The following RPTOR variants were observed in gnomAD, a reference collection of about 807,000 sequenced individuals.
RPTOR encodes regulatory-associated protein of mTOR.
Under a neutral mutation model 169.9 loss-of-function variants are expected in RPTOR, and 21 were observed. That is an observed-to-expected ratio of 0.12 (90% CI 0.09 to 0.18). RPTOR has a LOEUF of 0.18. Among genes scored for constraint, RPTOR ranks in the 10% least tolerant of loss-of-function variants. The pLI is 1.00. For synonymous variants in RPTOR, 732 were observed against 753.2 expected (o/e 0.97, Z 0.46); for missense variants, 1,133 against 1,855.9 (o/e 0.61, Z 7.16).
At chr17:80,791,333 T>G (rs1413415924) in intron 6 of RPTOR, 117 bp from the exon 7 acceptor site, 6 of 753,254 alleles carry the variant, frequency 8.0e-6, no homozygotes, top group Non-Finnish European at 1.3e-5. Flanking sequence ...TGAGTGTACT[T>G]GTTCACCGTG....
At chr17:80,822,938 CGTGT>C in intron 8 of RPTOR, 137 bp from the exon 9 acceptor site, 1 of 827,356 alleles carries the variant, frequency 1.2e-6, no homozygotes, top group African/African-American at 1.7e-5. Context: ...TGTGTTTAAG[CGTGT>C]GTGTGTGTTG....
At chr17:80,704,623 T>C (rs1027238786) in intron 3 of RPTOR, among the ~76,000 whole-genome samples, 2 of 152,270 alleles carry the variant, frequency 1.3e-5, no homozygotes, top group South Asian at 4.1e-4. Context: ...TCTATCAGTT[T>C]CTTTACTACA....
chr17:80,547,086 T>TA (rs1227037069), intron 1 of RPTOR, among the ~76,000 whole-genome samples: 1 of 152,080 alleles, frequency 6.6e-6, no homozygotes. Flanking sequence ...AATAAATAAA[T>TA]AAAACTTCTG....
Position 80,837,801 on chromosome 17 carries a change from C to G in RPTOR, c.1137-121C>G, listed in dbSNP as rs9913771. 4,011 of 877,612 alleles carry G rather than the reference C, an allele frequency of 4.6e-3. 103 individuals are homozygous for G. The African/African-American group carries it at 0.06, about 13-fold the overall frequency. The allele number at this position is 877,612 out of a possible 1,614,324, so 54.4% of individuals were successfully genotyped here. ...CGTAAACATGCCCCCCACCAGCTGC[C>G]GTGGCCTCCGCCCAGACCCTTGCTG... is the stretch of plus-strand genomic sequence containing the variant. On this transcript the variant is annotated intron_variant, in intron 9 of 33. Coordinates refer to ENST00000306801, the MANE Select transcript of RPTOR (RefSeq NM_020761.3).
intron 20 of RPTOR, among the ~76,000 whole-genome samples, chr17:80,895,087 T>G (rs183011073): frequency 5.9e-5 from 9 of 152,218 alleles, no homozygotes; most frequent in African/African-American, 1.4e-4. Flanking sequence ...CGGTTCTAGT[T>G]TCTTCTTGCC....
In RPTOR at chr17:80,960,200, C is replaced by A; in HGVS notation, c.3600C>A (p.Ser1200Arg). The change falls in exon 30 of 34, where the codon AGC becomes AGA. Residue 1200 changes from serine (S) to arginine (R), a missense_variant. Coordinates refer to ENST00000306801, the MANE Select transcript of RPTOR (RefSeq NM_020761.3). The surrounding 1 kb of genome is among the most constrained non-coding windows in gnomAD (Gnocchi z 4.8). ...IRVYDRRMAL[S>R]ECRVMTYREH... Reference sequence around the variant, plus strand: ...TCTACGACAGAAGGATGGCACTCAGCGAATGGTACCTTGACCCTGTCCTCT... The same window carrying A: ...TCTACGACAGAAGGATGGCACTCAGAGAATGGTACCTTGACCCTGTCCTCT... 1 of 1,613,472 alleles carries A rather than the reference C, an allele frequency of 6.2e-7. No homozygotes were observed. The highest frequency in any genetic ancestry group is 8.5e-7 in the Non-Finnish European group (1 of 1,179,984).
At chr17:80,692,395 C>T (rs2066000930) in intron 3 of RPTOR, among the ~76,000 whole-genome samples, 1 of 152,200 alleles carries the variant, frequency 6.6e-6, no homozygotes, top group Non-Finnish European at 1.5e-5. Flanking sequence ...GATCTCGGCT[C>T]ACCGCAACCT....
At chr17:80,637,906 A>C (rs1207632596) in intron 2 of RPTOR, among the ~76,000 whole-genome samples, 1 of 152,264 alleles carries the variant, frequency 6.6e-6, no homozygotes, top group Non-Finnish European at 1.5e-5. Context: ...TTTACAGAGC[A>C]CTTGCACAGA....
At chr17:80,688,515 A>G (rs915737333) in intron 3 of RPTOR, among the ~76,000 whole-genome samples, 2 of 152,206 alleles carry the variant, frequency 1.3e-5, no homozygotes, top group African/African-American at 4.8e-5. Context: ...TGATGACAAG[A>G]AGGCTGCCAC....
chr17:80,669,586 G>T (rs2065806390), intron 3 of RPTOR, among the ~76,000 whole-genome samples: 1 of 151,858 alleles, frequency 6.6e-6, no homozygotes, highest in African/African-American at 2.4e-5. Flanking sequence ...GTTTTTCCAT[G>T]TTGGTCAGGC....
intron 4 of RPTOR, among the ~76,000 whole-genome samples, chr17:80,712,768 G>T (rs1448850591): frequency 6.6e-6 from 1 of 152,154 alleles, no homozygotes; most frequent in Admixed American, 6.5e-5. Context: ...TGTCTACGCC[G>T]TTTTGCATTC....
intron 3 of RPTOR, among the ~76,000 whole-genome samples, chr17:80,649,428 C>G (rs1307768522): frequency 6.6e-6 from 1 of 152,128 alleles, no homozygotes; most frequent in Non-Finnish European, 1.5e-5. Flanking sequence ...GCCCTCCCTC[C>G]TCCTGCCCAA....
rs548058549 is a variant in RPTOR at position 80,919,730 on chromosome 17, G to C, written c.2521-2994G>C. Among the ~76,000 whole-genome samples, 233 of 152,344 alleles carry C rather than the reference G, an allele frequency of 1.5e-3. 1 individual carries two copies. Among genetic ancestry groups the C allele is most frequent in the Non-Finnish European group, 2.9e-3 (198 of 68,028 alleles). ...ACTGGCCCAAGAGAGTGTCTGTGCT[G>C]AGCATTCGACTGTTAGCAAAGTCGT... On this transcript the variant is annotated intron_variant, in intron 21 of 33. Transcript: ENST00000306801.
At chr17:80,652,796 C>T (rs1260910993) in intron 3 of RPTOR, among the ~76,000 whole-genome samples, 1 of 152,228 alleles carries the variant, frequency 6.6e-6, no homozygotes, top group Non-Finnish European at 1.5e-5. Context: ...TTTTACCTCC[C>T]TGAGGCACTC....
chr17:80,793,688 C>G (rs928770625), intron 7 of RPTOR, among the ~76,000 whole-genome samples: 2 of 152,194 alleles, frequency 1.3e-5, no homozygotes, highest in African/African-American at 2.4e-5. Context: ...GTGGCTACTC[C>G]GGACAGAGCC....
At chr17:80,921,860 C>A (rs1414539791) in intron 21 of RPTOR, among the ~76,000 whole-genome samples, 2 of 152,176 alleles carry the variant, frequency 1.3e-5, no homozygotes, top group African/African-American at 2.4e-5. Context: ...GGGCAGGTTT[C>A]AGCCATGTCT....
intron 33 of RPTOR, among the ~76,000 whole-genome samples, chr17:80,964,039 G>T (rs1030921430): frequency 6.6e-6 from 1 of 152,170 alleles, no homozygotes; most frequent in African/African-American, 2.4e-5. Flanking sequence ...AAAAAACCAC[G>T]CAGGGCCCGG....
chr17:80,551,068 T>A (rs1338551909), intron 1 of RPTOR, among the ~76,000 whole-genome samples: 1 of 152,062 alleles, frequency 6.6e-6, no homozygotes, highest in East Asian at 1.9e-4. Context: ...TTTGTATTTT[T>A]AGTAGAGATG....
intron 4 of RPTOR, among the ~76,000 whole-genome samples, chr17:80,729,602 CA>C (rs1333753374): frequency 6.6e-6 from 1 of 152,168 alleles, no homozygotes; most frequent in African/African-American, 2.4e-5. Context: ...TTTATACAGC[CA>C]AACCCACTTA....
Sources: allele counts gnomAD v4.1 joint callset (sites outside exome capture counted in the v4.1 genomes callset), GRCh38; gene constraint gnomAD v4.1.1; non-coding constraint Gnocchi (gnomAD v3.1); transcripts MANE v1.5; gene names NCBI Gene and HGNC (gene_info 2026-07-23, HGNC 2026-07-21).